NXPH2: variants seen among roughly 807,000 people sequenced by gnomAD.
NXPH2 encodes the protein neurexophilin 2, also known as neurexophilin-2.
A neutral mutation model predicts 19.8 loss-of-function variants in NXPH2; 5 were observed. The observed-to-expected ratio is 0.25, with a 90% CI of 0.13 to 0.53. NXPH2 has a LOEUF of 0.53. Ranked by LOEUF, NXPH2 falls within the 20% of genes least tolerant of loss-of-function variation. The pLI, the probability that NXPH2 is intolerant of heterozygous loss-of-function variation, is 0.96. For synonymous variants in NXPH2, 154 were observed against 127.4 expected (o/e 1.21, Z -1.41); for missense variants, 289 against 322.8 (o/e 0.90, Z 0.80).
chr2:138,761,108 C>T (rs1170012293), intron 1 of NXPH2, among the ~76,000 whole-genome samples: 1 of 152,082 alleles, frequency 6.6e-6, no homozygotes, highest in Non-Finnish European at 1.5e-5. Context: ...GCTCAGCAAG[C>T]CATAAAGATC....
chr2:138,766,740 A>G (rs955739018), intron 1 of NXPH2, among the ~76,000 whole-genome samples: 1 of 152,218 alleles, frequency 6.6e-6, no homozygotes, highest in African/African-American at 2.4e-5. Flanking sequence ...AACATTTATC[A>G]AAAGCACTAT....
chr2:138,690,063 A>C (rs1271845305), intron 1 of NXPH2, among the ~76,000 whole-genome samples: 1 of 152,124 alleles, frequency 6.6e-6, no homozygotes, highest in Non-Finnish European at 1.5e-5. Context: ...CGCGATAATA[A>C]GGTCATTTGT....
At chr2:138,754,851 G>A (rs1681882151) in intron 1 of NXPH2, among the ~76,000 whole-genome samples, 1 of 152,068 alleles carries the variant, frequency 6.6e-6, no homozygotes, top group East Asian at 1.9e-4. Context: ...GAGAGTTCCT[G>A]TTGCTTTGCA....
intron 1 of NXPH2, among the ~76,000 whole-genome samples, chr2:138,715,422 C>A (rs752478545): frequency 1.9e-4 from 29 of 152,198 alleles, no homozygotes; most frequent in Non-Finnish European, 4.0e-4. Flanking sequence ...TGTGTCCATA[C>A]ATCAGATTTT....
intron 1 of NXPH2, among the ~76,000 whole-genome samples, chr2:138,734,767 C>A (rs1041496967): frequency 6.6e-6 from 1 of 152,234 alleles, no homozygotes; most frequent in South Asian, 2.1e-4. Context: ...AAGATTTGTG[C>A]TTTTGTGCTC....
At chr2:138,732,855 C>T (rs1424557781) in intron 1 of NXPH2, among the ~76,000 whole-genome samples, 6 of 152,260 alleles carry the variant, frequency 3.9e-5, no homozygotes, top group African/African-American at 1.4e-4. Context: ...TGATTAAGCA[C>T]ATTATGGCAC....
intron 1 of NXPH2, among the ~76,000 whole-genome samples, chr2:138,698,179 A>G (rs1022406902): frequency 3.3e-5 from 5 of 152,198 alleles, no homozygotes; most frequent in Non-Finnish European, 7.4e-5. Flanking sequence ...AATTTGAAGA[A>G]AAATTTTAAG....
At chr2:138,778,818 A>G (rs1221064561) in intron 1 of NXPH2, among the ~76,000 whole-genome samples, 1 of 152,196 alleles carries the variant, frequency 6.6e-6, no homozygotes, top group Non-Finnish European at 1.5e-5. Flanking sequence ...TTTAACATGG[A>G]GTATTGTAGA....
At chr2:138,730,957 C>G (rs765089191) in intron 1 of NXPH2, among the ~76,000 whole-genome samples, 9 of 152,248 alleles carry the variant, frequency 5.9e-5, no homozygotes, top group Non-Finnish European at 1.0e-4. Context: ...TCTTCCCATG[C>G]CCTTTGTTGT....
intron 1 of NXPH2, among the ~76,000 whole-genome samples, chr2:138,691,360 T>G (rs1680742337): frequency 6.6e-6 from 1 of 152,154 alleles, no homozygotes; most frequent in Admixed American, 6.5e-5. Context: ...GTACCAATGA[T>G]TCCATAGCAT....
chr2:138,694,622 G>T (rs1410212144), intron 1 of NXPH2, among the ~76,000 whole-genome samples: 2 of 152,150 alleles, frequency 1.3e-5, no homozygotes, highest in East Asian at 3.8e-4. Flanking sequence ...CTTATAGCTT[G>T]CAGCCTATGA....
chr2:138,761,288 G>A (rs183223241), intron 1 of NXPH2, among the ~76,000 whole-genome samples: 4 of 152,134 alleles, frequency 2.6e-5, no homozygotes, highest in East Asian at 3.9e-4. Context: ...CAAATGTTTC[G>A]TCTGATTGAT....
intron 1 of NXPH2, among the ~76,000 whole-genome samples, chr2:138,717,764 A>G (rs1363217947): frequency 6.6e-6 from 1 of 152,222 alleles, no homozygotes; most frequent in Non-Finnish European, 1.5e-5. Context: ...TCTAAATGTT[A>G]TCAATAGAAA....
Position 138,671,286 on chromosome 2 carries a change from A to G in NXPH2, c.431T>C (p.Val144Ala). The G allele has an allele frequency of 6.2e-7, 1 of 1,613,888 alleles. No homozygotes were observed. Among genetic ancestry groups the G allele is most frequent in the Non-Finnish European group, 8.5e-7 (1 of 1,179,824 alleles). The part of the protein sequence containing the change: ...IVDHGNGTFS[V>A]YFRHNSTGLG... ...GCCTGTTGAATTATGTCGGAAATAC[A>G]CACTGAAGGTTCCATTTCCATGGTC... The change falls in exon 2 of 2, where the codon GTG (valine) becomes GCG (alanine). Residue 144 changes from valine to alanine, a missense_variant. Val to Ala is a moderately conservative substitution (Grantham distance 64). Transcript: ENST00000272641.
rs114558697 is a variant in NXPH2 at position 138,703,316 on chromosome 2, C to T, written c.52-31651G>A. ...ACCCTCTGAGAGTCTAACTAATGAA[C>T]GTCTCCCAGCTGTTGTTGAAAAATC... On this transcript the variant is annotated intron_variant, in intron 1 of 1. Transcript: ENST00000272641. Among the ~76,000 whole-genome samples, 754 of 152,246 alleles carry T rather than the reference C, an allele frequency of 5.0e-3. 5 individuals are homozygous for T. Among genetic ancestry groups the T allele is most frequent in the African/African-American group, 0.017 (711 of 41,538 alleles).
intron 1 of NXPH2, among the ~76,000 whole-genome samples, chr2:138,752,879 T>C (rs1367893689): frequency 1.3e-5 from 2 of 152,186 alleles, no homozygotes; most frequent in Non-Finnish European, 2.9e-5. Context: ...ATTACATGTT[T>C]GGGAGAGGAA....
intron 1 of NXPH2, among the ~76,000 whole-genome samples, chr2:138,675,031 G>T (rs934493437): frequency 2.0e-5 from 3 of 152,080 alleles, no homozygotes; most frequent in Non-Finnish European, 4.4e-5. Context: ...ATGGGATAGA[G>T]CCCTTCTGAC....
intron 1 of NXPH2, among the ~76,000 whole-genome samples, chr2:138,779,728 G>T (rs1409779680): frequency 6.6e-6 from 1 of 152,180 alleles, no homozygotes; most frequent in African/African-American, 2.4e-5. Context: ...TGAGAACGAG[G>T]ATGCATGCAC....
chr2:138,687,622 G>A (rs1185886030), intron 1 of NXPH2, among the ~76,000 whole-genome samples: 1 of 152,100 alleles, frequency 6.6e-6, no homozygotes, highest in Non-Finnish European at 1.5e-5. Flanking sequence ...TGAAGTCCTT[G>A]CCCATGCCTA....
Sources: allele counts gnomAD v4.1 joint callset (sites outside exome capture counted in the v4.1 genomes callset), GRCh38; gene constraint gnomAD v4.1.1; transcripts MANE v1.5; gene names NCBI Gene and HGNC (gene_info 2026-07-23, HGNC 2026-07-21).